The following RNF130 variants were observed in gnomAD, a reference collection of about 807,000 sequenced individuals.
RNF130 encodes E3 ubiquitin-protein ligase RNF130.
A neutral mutation model predicts 44.6 loss-of-function variants in RNF130; 21 were observed. The ratio of observed to expected loss-of-function variants is 0.47; its 90% CI spans 0.33 to 0.68. The LOEUF (loss-of-function observed/expected upper bound fraction) is 0.68. Ranked by LOEUF, RNF130 falls within the 30% of genes least tolerant of loss-of-function variation. The pLI is 0.02. For synonymous variants in RNF130, 214 were observed against 210.4 expected (o/e 1.02, Z -0.15); for missense variants, 479 against 560.6 (o/e 0.85, Z 1.47).
At chr5:180,008,328 C>G (rs1200788867) in intron 3 of RNF130, among the ~76,000 whole-genome samples, 1 of 152,040 alleles carries the variant, frequency 6.6e-6, no homozygotes, top group East Asian at 1.9e-4. Context: ...TCCTCCCACC[C>G]TGGTCTCACA....
rs562304282 is a variant in RNF130 at position 180,060,861 on chromosome 5, C to A, written c.247+10595G>T. 7.5e-4 allele frequency among the ~76,000 whole-genome samples: 114 copies of A among 151,972 alleles called. No homozygotes were observed. In the South Asian group the frequency reaches 0.012, roughly 16 times the overall value. ...GAGGTGGGCGGATCACGAGGTCGGG[C>A]GATCGAGACCATCCTGGCTAACACG... is the stretch of plus-strand genomic sequence containing the variant. On this transcript the variant is annotated intron_variant, in intron 1 of 8. Transcript: ENST00000521389.
rs933324682 is a variant in RNF130, at chr5:179,931,088, CT to C, written c.1151-10663del. Among the ~76,000 whole-genome samples, 94 of 147,214 alleles carry C rather than the reference CT, an allele frequency of 6.4e-4. 1 individual carries two copies. Among genetic ancestry groups the C allele is most frequent in the African/African-American group, 2.3e-3 (92 of 40,168 alleles). The stretch of plus-strand genomic sequence containing the variant: ...AATAGGTGTTGAATTTTAGCAAATG[CT>C]TTTTTTGTACCTATTAAGATAAAAA... On this transcript the variant is annotated intron_variant, in intron 7 of 7. Coordinates refer to the RNF130 transcript ENST00000522208.
In RNF130 at chr5:179,983,096, T is replaced by C. The variant is rs564893813; in HGVS notation, c.694-2896A>G. On this transcript the variant is annotated intron_variant, in intron 3 of 8. Transcript: ENST00000521389. ...TTGACTTTTGAGAGAACATTATATA[T>C]TCCAGATAAAAATCCTTTTGCATGT... Among the ~76,000 whole-genome samples, 11 of 152,340 alleles carry C rather than the reference T, an allele frequency of 7.2e-5. No homozygotes were observed. The East Asian group carries it at 1.3e-3, about 19-fold the overall frequency.
At chr5:179,923,741 A>G (rs1761665551) in intron 7 of RNF130, among the ~76,000 whole-genome samples, 1 of 152,120 alleles carries the variant, frequency 6.6e-6, no homozygotes, top group Non-Finnish European at 1.5e-5. Context: ...CTTTGAACCT[A>G]TTTCGGTCCT....
intron 2 of RNF130, among the ~76,000 whole-genome samples, chr5:180,022,710 C>T (rs928229672): frequency 6.6e-6 from 1 of 152,192 alleles, no homozygotes; most frequent in Non-Finnish European, 1.5e-5. Flanking sequence ...AGCCACGTCT[C>T]CACAAACCTT....
chr5:180,022,185 T>C (rs1440905313), intron 2 of RNF130, among the ~76,000 whole-genome samples: 1 of 152,188 alleles, frequency 6.6e-6, no homozygotes, highest in African/African-American at 2.4e-5. Flanking sequence ...AAAGGTGATG[T>C]CCTCCAGGCA....
chr5:179,970,774 T>C (rs1032047773), intron 5 of RNF130, among the ~76,000 whole-genome samples: 1 of 152,228 alleles, frequency 6.6e-6, no homozygotes, highest in Non-Finnish European at 1.5e-5. Flanking sequence ...CAAAAAGGAC[T>C]AATGGAAACT....
intron 7 of RNF130, among the ~76,000 whole-genome samples, chr5:179,947,310 C>T (rs539095020): frequency 2.0e-4 from 30 of 152,188 alleles, no homozygotes; most frequent in Non-Finnish European, 3.4e-4. Context: ...CAGTAAAGTC[C>T]GTGCCCTGTA....
chr5:180,008,954 G>A (rs1359345448), intron 3 of RNF130, among the ~76,000 whole-genome samples: 1 of 151,772 alleles, frequency 6.6e-6, no homozygotes, highest in African/African-American at 2.4e-5. Context: ...AGTAATGTAT[G>A]GGTAAAAGAA....
Position 179,972,505 on chromosome 5 carries a change from T to C in RNF130, c.849-1999A>G, listed in dbSNP as rs370935163. 3.7e-4 allele frequency among the ~76,000 whole-genome samples: 56 copies of C among 151,782 alleles called. 1 individual carries two copies. Among genetic ancestry groups the C allele is most frequent in the Middle Eastern group, 3.4e-3 (1 of 294 alleles). ...TCTGATCAAGGCTCTGGTGCAGGAATGGGAGGCATCCCGCTGGGGGTCGGG... is the reference window on the plus strand; with the variant it reads ...TCTGATCAAGGCTCTGGTGCAGGAACGGGAGGCATCCCGCTGGGGGTCGGG... On this transcript the variant is annotated intron_variant, in intron 5 of 8. Transcript: ENST00000521389.
chr5:180,013,508 C>T (rs759696542), intron 2 of RNF130, among the ~76,000 whole-genome samples, 197 bp from the exon 3 acceptor site: 2 of 152,130 alleles, frequency 1.3e-5, no homozygotes, highest in African/African-American at 2.4e-5. Flanking sequence ...TTGTGTGGTA[C>T]TTAAGACTTA....
chr5:180,019,911 C>T (rs1204386777), intron 2 of RNF130, among the ~76,000 whole-genome samples: 1 of 152,190 alleles, frequency 6.6e-6, no homozygotes, highest in Non-Finnish European at 1.5e-5. Context: ...TGAACACTCT[C>T]GGACCCAGTG....
At chr5:180,057,666 G>A (rs550376424) in intron 1 of RNF130, among the ~76,000 whole-genome samples, 21 of 152,276 alleles carry the variant, frequency 1.4e-4, no homozygotes, top group East Asian at 1.2e-3. Context: ...CCGCAATACC[G>A]CGACAGAAGC....
intron 7 of RNF130, among the ~76,000 whole-genome samples, chr5:179,947,932 C>G (rs1762069029): frequency 6.6e-6 from 1 of 152,024 alleles, no homozygotes; most frequent in Non-Finnish European, 1.5e-5. Context: ...GTAGCTCAGC[C>G]CTCAAATAGC....
exon 8 of RNF130, chr5:179,911,925 C>T (rs1330064415): frequency 6.6e-6 from 1 of 152,196 alleles, no homozygotes; most frequent in Non-Finnish European, 1.5e-5. Flanking sequence ...AGCTAATCGT[C>T]AGTTTTGCTT....
At chr5:180,043,151 C>A (rs1411670424) in intron 1 of RNF130, among the ~76,000 whole-genome samples, 2 of 152,076 alleles carry the variant, frequency 1.3e-5, no homozygotes, top group African/African-American at 2.4e-5. Context: ...ACCCTCATCT[C>A]TACACAAAAT....
intron 3 of RNF130, among the ~76,000 whole-genome samples, chr5:179,996,817 G>T (rs1763210476): frequency 6.6e-6 from 1 of 152,162 alleles, no homozygotes; most frequent in Non-Finnish European, 1.5e-5. Context: ...TTAGGGTAAT[G>T]CTGGCCTTGT....
chr5:179,972,955 G>T (rs929083339), intron 5 of RNF130, among the ~76,000 whole-genome samples: 1 of 152,040 alleles, frequency 6.6e-6, no homozygotes, highest in Non-Finnish European at 1.5e-5. Flanking sequence ...CCTCTAGGCT[G>T]TGGGGTACTA....
In RNF130 at chr5:179,986,263, A is replaced by G. The variant is rs374438161; in HGVS notation, c.694-6063T>C. Among the ~76,000 whole-genome samples the G allele has an allele frequency of 2.2e-4, 34 of 152,340 alleles. No homozygotes were observed. In the South Asian group the frequency reaches 7.0e-3, roughly 32 times the overall value. ...TTTCTGTCCTTTTATGTGTTTTACAATGATATGCTAAGTCATTCTTTGTGA... is the reference window on the plus strand; with the variant it reads ...TTTCTGTCCTTTTATGTGTTTTACAGTGATATGCTAAGTCATTCTTTGTGA... On this transcript the variant is annotated intron_variant, in intron 3 of 8. Coordinates refer to ENST00000521389, the MANE Select transcript of RNF130 (RefSeq NM_018434.6).
Sources: gnomAD v4.1 joint callset for allele counts (sites outside exome capture counted in the v4.1 genomes callset) on GRCh38, gnomAD v4.1.1 for gene constraint, MANE v1.5 for transcripts, NCBI Gene and HGNC (gene_info 2026-07-23, HGNC 2026-07-21) for gene names.